The following MYO6 variants were observed in gnomAD, a reference collection of about 807,000 sequenced individuals.
MYO6 encodes myosin VI, also known as unconventional myosin-VI.
MYO6 carries 74 observed loss-of-function variants against 178.7 expected under a neutral mutation model. The observed-to-expected ratio is 0.41, with a 90% CI of 0.34 to 0.50. The LOEUF (loss-of-function observed/expected upper bound fraction) is 0.50. MYO6 is among the 20% of genes least tolerant of loss of function. The pLI is 0.09. For synonymous variants in MYO6, 477 were observed against 504.6 expected, an observed-to-expected ratio of 0.95 and a Z score of 0.73; for missense variants, 1,330 against 1,547.4, an observed-to-expected ratio of 0.86 and a Z score of 2.36.
At chr6:75,781,437 C>T (rs1053285455) in intron 1 of MYO6, among the ~76,000 whole-genome samples, 2 of 152,024 alleles carry the variant, frequency 1.3e-5, no homozygotes, top group Non-Finnish European at 2.9e-5. Flanking sequence ...AGATATGCTA[C>T]GTATAGAGGA....
chr6:75,768,971 G>A (rs866694323), intron 1 of MYO6, among the ~76,000 whole-genome samples: 1 of 152,140 alleles, frequency 6.6e-6, no homozygotes, highest in African/African-American at 2.4e-5. Context: ...AAGGGAGAGA[G>A]GTTGTTGTCA....
chr6:75,832,573 C>T (rs1773208565), intron 5 of MYO6, among the ~76,000 whole-genome samples: 1 of 152,130 alleles, frequency 6.6e-6, no homozygotes, highest in African/African-American at 2.4e-5. Context: ...TGAGCCACAG[C>T]CCATAATATC....
chr6:75,814,343 T>C (rs774569224), intron 1 of MYO6, among the ~76,000 whole-genome samples: 7 of 152,086 alleles, frequency 4.6e-5, no homozygotes, highest in Non-Finnish European at 1.0e-4. Context: ...GCCTCTTTCT[T>C]TGATGTGATG....
In MYO6 at chr6:75,822,791, G is replaced by T. The variant is rs1772027950; in HGVS notation, c.127G>T (p.Ala43Ser). ...TTGTTTTGCTTGTTAGACATTTTTGGCTCTCATAAACCAAGTGTTTCCTGC... is the reference window on the plus strand; with the variant it reads ...TTGTTTTGCTTGTTAGACATTTTTGTCTCTCATAAACCAAGTGTTTCCTGC... ...PLNQKGKTFL[A>S]LINQVFPAEE... Residue 43 changes from alanine to serine, a missense_variant, in exon 3 of 35, where the codon GCT (alanine) becomes TCT (serine). Coordinates refer to ENST00000369977, the MANE Select transcript of MYO6 (RefSeq NM_004999.4). 2 of 1,613,086 alleles carry T rather than the reference G, an allele frequency of 1.2e-6. No individual in the cohort carries two copies. Among genetic ancestry groups the T allele is most frequent in the African/African-American group, 1.3e-5 (1 of 74,842 alleles).
chr6:75,904,856 G>T (rs1055231389), intron 30 of MYO6, among the ~76,000 whole-genome samples: 1 of 152,186 alleles, frequency 6.6e-6, no homozygotes, highest in African/African-American at 2.4e-5. Flanking sequence ...CATCTTTGTG[G>T]TTTTGTCTAC....
At chr6:75,862,901 A>G (rs1275501501) in intron 16 of MYO6, among the ~76,000 whole-genome samples, 178 bp downstream of exon 16, 1 of 152,174 alleles carries the variant, frequency 6.6e-6, no homozygotes, top group Non-Finnish European at 1.5e-5. Context: ...TATGATTTTT[A>G]TGTAGTCAAG....
chr6:75,825,409 A>G (rs1465589069), intron 3 of MYO6, among the ~76,000 whole-genome samples: 1 of 152,182 alleles, frequency 6.6e-6, no homozygotes, highest in African/African-American at 2.4e-5. Context: ...CCTGGCCAAC[A>G]TGGTGAAACC....
At chr6:75,867,896 G>A (rs2149314948) in intron 18 of MYO6, among the ~76,000 whole-genome samples, 1 of 152,172 alleles carries the variant, frequency 6.6e-6, no homozygotes, top group Non-Finnish European at 1.5e-5. Context: ...AATTTGTGAA[G>A]TTATGAGTTT....
intron 1 of MYO6, among the ~76,000 whole-genome samples, chr6:75,774,877 CTT>C (rs1312216832): frequency 6.6e-6 from 1 of 151,882 alleles, no homozygotes; most frequent in African/African-American, 2.4e-5. Context: ...ACTGCAACCT[CTT>C]GTCTCCCAGG....
chr6:75,759,784 A>G (rs1416987437), intron 1 of MYO6, among the ~76,000 whole-genome samples: 2 of 152,212 alleles, frequency 1.3e-5, no homozygotes, highest in Admixed American at 6.5e-5. Flanking sequence ...GCTTTCAGAA[A>G]TAGTTTAATC....
intron 19 of MYO6, among the ~76,000 whole-genome samples, chr6:75,872,386 G>A (rs963695832): frequency 1.3e-5 from 2 of 152,140 alleles, no homozygotes; most frequent in African/African-American, 4.8e-5. Context: ...ACAAACAAAT[G>A]TTAAAATGTA....
chr6:75,810,531 G>A (rs576340622), intron 1 of MYO6, among the ~76,000 whole-genome samples: 1 of 152,308 alleles, frequency 6.6e-6, no homozygotes, highest in South Asian at 2.1e-4. Context: ...AATGAGGCAT[G>A]TCTGACCTCC....
intron 25 of MYO6, among the ~76,000 whole-genome samples, chr6:75,887,858 A>G (rs556173259): frequency 6.2e-4 from 94 of 150,812 alleles, no homozygotes; most frequent in Non-Finnish European, 1.3e-3. Context: ...GGGCACCTGT[A>G]GCCCCAGCTA....
chr6:75,845,069 G>A (rs1774596238), intron 10 of MYO6, 92 bp downstream of exon 10: 1 of 1,031,658 alleles, frequency 9.7e-7, no homozygotes, highest in African/African-American at 1.6e-5. Context: ...GCCCAAGTAA[G>A]AGTTCTAACT....
chr6:75,821,043 A>C (rs1771821274), intron 2 of MYO6, among the ~76,000 whole-genome samples: 1 of 152,232 alleles, frequency 6.6e-6, no homozygotes, highest in Non-Finnish European at 1.5e-5. Flanking sequence ...AGAGAAAACA[A>C]TTAATGAAAC....
At chr6:75,861,159 T>G (rs551917993) in intron 15 of MYO6, 64 bp downstream of exon 15, 160 of 1,241,586 alleles carry the variant, frequency 1.3e-4, no homozygotes, top group Non-Finnish European at 1.8e-4. Flanking sequence ...GTTTAGTGCT[T>G]TTTCTGTGCT....
chr6:75,883,677 A>G (rs1778212343), intron 23 of MYO6, among the ~76,000 whole-genome samples: 1 of 152,194 alleles, frequency 6.6e-6, no homozygotes, highest in Non-Finnish European at 1.5e-5. Flanking sequence ...GCCCAAGACA[A>G]AAGTGAGGGA....
chr6:75,873,257 C>G lies in MYO6; in HGVS notation c.2034C>G (p.His678Gln). 2 of 1,614,066 alleles carry G rather than the reference C, an allele frequency of 1.2e-6. No homozygotes were observed. Among genetic ancestry groups the G allele is most frequent in the Non-Finnish European group, 1.7e-6 (2 of 1,179,994 alleles). ...CIKPNLKMTS[H>Q]HFEGAQILSQ... ...AACCTAACTTAAAGATGACAAGCCACCACTTTGAAGGTGCTCAAATTCTGT... is the reference window on the plus strand; with the variant it reads ...AACCTAACTTAAAGATGACAAGCCAGCACTTTGAAGGTGCTCAAATTCTGT... Residue 678 changes from histidine to glutamine, a missense_variant, in exon 20 of 35, where the codon CAC (histidine) becomes CAG (glutamine). His to Gln is a conservative substitution (Grantham distance 24). Coordinates refer to ENST00000369977, the MANE Select transcript of MYO6 (RefSeq NM_004999.4).
At chr6:75,819,284 TC>T (rs1044330532) in intron 2 of MYO6, among the ~76,000 whole-genome samples, 3 of 152,212 alleles carry the variant, frequency 2.0e-5, no homozygotes, top group East Asian at 1.9e-4. Flanking sequence ...TTAATTTTCC[TC>T]CCTACTTTCT....
Sources: gnomAD v4.1 joint callset for allele counts (sites outside exome capture counted in the v4.1 genomes callset) on GRCh38, gnomAD v4.1.1 for gene constraint, MANE v1.5 for transcripts, NCBI Gene and HGNC (gene_info 2026-07-23, HGNC 2026-07-21) for gene names.